CNTNAP2: variants seen among roughly 807,000 people sequenced by gnomAD.
CNTNAP2 encodes the protein contactin-associated protein-like 2.
Under a neutral mutation model 155.2 loss-of-function variants are expected in CNTNAP2, and 98 were observed. The observed-to-expected ratio is 0.63, with a 90% CI of 0.54 to 0.75. The LOEUF (loss-of-function observed/expected upper bound fraction) is 0.75. CNTNAP2 is among the 30% of genes least tolerant of loss of function. The probability of loss-of-function intolerance (pLI) is 0.00; values close to 1 mark genes in which losing one functional copy is unlikely to be tolerated. For synonymous variants in CNTNAP2, 651 were observed against 631.2 expected, an observed-to-expected ratio of 1.03 and a Z score of -0.47; for missense variants, 1,727 against 1,688.1, an observed-to-expected ratio of 1.02 and a Z score of -0.40.
At chr7:147,398,858 T>G (rs1796866537) in intron 10 of CNTNAP2, among the ~76,000 whole-genome samples, 1 of 150,796 alleles carries the variant, frequency 6.6e-6, no homozygotes, top group South Asian at 2.1e-4. Flanking sequence ...GATGACAAAC[T>G]CTAATTAAAA....
chr7:147,892,237 C>T (rs748390188), intron 13 of CNTNAP2, among the ~76,000 whole-genome samples: 4 of 152,144 alleles, frequency 2.6e-5, no homozygotes, highest in African/African-American at 7.2e-5. Context: ...ACGTAAAGAC[C>T]GTCATCACAA....
chr7:147,371,196 A>G (rs1382230727), intron 9 of CNTNAP2, among the ~76,000 whole-genome samples: 2 of 152,276 alleles, frequency 1.3e-5, no homozygotes, highest in Admixed American at 6.5e-5. Flanking sequence ...AAATCAAACA[A>G]TGTAAAATTC....
At chr7:147,522,357 A>G (rs1033789872) in intron 11 of CNTNAP2, among the ~76,000 whole-genome samples, 4 of 152,200 alleles carry the variant, frequency 2.6e-5, no homozygotes, top group Non-Finnish European at 4.4e-5. Flanking sequence ...TATTATCCAA[A>G]CCTTCCACCA....
At chr7:147,488,346 A>G (rs964130109) in intron 11 of CNTNAP2, among the ~76,000 whole-genome samples, 2 of 152,212 alleles carry the variant, frequency 1.3e-5, no homozygotes, top group African/African-American at 4.8e-5. Context: ...TTTGTGGTCA[A>G]TCATTTGACT....
intron 8 of CNTNAP2, among the ~76,000 whole-genome samples, chr7:147,162,850 C>T (rs1802052395): frequency 6.6e-6 from 1 of 152,208 alleles, no homozygotes; most frequent in African/African-American, 2.4e-5. Context: ...TCTCAGCAAT[C>T]ATGTTACACA....
chr7:147,205,579 C>G (rs1459872851), intron 8 of CNTNAP2, among the ~76,000 whole-genome samples: 1 of 114,296 alleles, frequency 8.7e-6, no homozygotes, highest in African/African-American at 2.8e-5. Context: ...TCATTTTTAA[C>G]AAAGTGGATG....
chr7:148,235,315 TGTGCTAG>T (rs1312568143), intron 20 of CNTNAP2, among the ~76,000 whole-genome samples: 2 of 152,224 alleles, frequency 1.3e-5, no homozygotes, highest in African/African-American at 2.4e-5. Flanking sequence ...CAACATGTAG[TGTGCTAG>T]GTGCTAGAAG....
chr7:147,118,447 G>A (rs1801032860), intron 5 of CNTNAP2, among the ~76,000 whole-genome samples: 1 of 152,068 alleles, frequency 6.6e-6, no homozygotes, highest in African/African-American at 2.4e-5. Flanking sequence ...AATTGTATGG[G>A]GAAATATATA....
chr7:147,535,756 C>T (rs1280593282), intron 11 of CNTNAP2, among the ~76,000 whole-genome samples: 5 of 152,034 alleles, frequency 3.3e-5, no homozygotes, highest in South Asian at 2.1e-4. Flanking sequence ...AGGCGAGGAC[C>T]GCGAAGGTCA....
At chr7:146,708,671 A>G (rs1801009503) in intron 1 of CNTNAP2, among the ~76,000 whole-genome samples, 1 of 121,392 alleles carries the variant, frequency 8.2e-6, no homozygotes, top group African/African-American at 3.3e-5. Flanking sequence ...ATCTCATCTC[A>G]CTGCAACCTC....
intron 1 of CNTNAP2, among the ~76,000 whole-genome samples, chr7:146,444,257 T>A (rs1298162300): frequency 1.3e-5 from 2 of 152,092 alleles, no homozygotes; most frequent in Non-Finnish European, 2.9e-5. Flanking sequence ...ACGCCTGACC[T>A]CAAGTGATCC....
intron 15 of CNTNAP2, among the ~76,000 whole-genome samples, chr7:148,102,816 C>G (rs564024338): frequency 6.6e-6 from 1 of 152,128 alleles, no homozygotes; most frequent in African/African-American, 2.4e-5. Context: ...CCCCAAATAT[C>G]CAAGACAGGT....
intron 9 of CNTNAP2, among the ~76,000 whole-genome samples, chr7:147,331,835 A>G (rs6973370): frequency 0.39 from 59,066 of 151,926 alleles, 11,811 homozygotes; most frequent in South Asian, 0.49. Context: ...GAACTAACCA[A>G]TGATCAGTTC....
chr7:146,383,831 C>T (rs1207650564), intron 1 of CNTNAP2, among the ~76,000 whole-genome samples: 1 of 152,030 alleles, frequency 6.6e-6, no homozygotes, highest in African/African-American at 2.4e-5. Context: ...GTGGAGATGC[C>T]TTTTTTGGAA....
At chr7:147,982,338 G>A (rs1234334390) in intron 15 of CNTNAP2, among the ~76,000 whole-genome samples, 1 of 152,200 alleles carries the variant, frequency 6.6e-6, no homozygotes, top group Non-Finnish European at 1.5e-5. Context: ...AGTAAACCTG[G>A]GTAGAAACAA....
At position 147,805,485 on chromosome 7, in the gene CNTNAP2, G is replaced by A. The variant is rs185905731; in HGVS notation, c.2099-98080G>A. Among the ~76,000 whole-genome samples the A allele has an allele frequency of 4.0e-3, 610 of 152,272 alleles. 3 individuals are homozygous for A. Among genetic ancestry groups the A allele is most frequent in the Admixed American group, 8.2e-3 (126 of 15,300 alleles). Reference sequence around the variant, plus strand: ...TGTTGAATAAAAGTGGAGAAAGTGGGCATCCTTGTCTTGTTCCAGATCTTA... The same window carrying A: ...TGTTGAATAAAAGTGGAGAAAGTGGACATCCTTGTCTTGTTCCAGATCTTA... On this transcript the variant is annotated intron_variant, in intron 13 of 23. Coordinates refer to ENST00000361727, the MANE Select transcript of CNTNAP2 (RefSeq NM_014141.6).
chr7:146,871,565 A>T (rs1342963189), intron 3 of CNTNAP2, among the ~76,000 whole-genome samples: 1 of 151,806 alleles, frequency 6.6e-6, no homozygotes. Flanking sequence ...TAAATAAATT[A>T]AAAAATGATA....
chr7:146,967,042 G>A (rs1797672259), intron 3 of CNTNAP2, among the ~76,000 whole-genome samples: 1 of 152,046 alleles, frequency 6.6e-6, no homozygotes, highest in Non-Finnish European at 1.5e-5. Context: ...TGAAAGGAAG[G>A]GGAAAAATCT....
Position 147,509,550 on chromosome 7 carries a change from A to T in CNTNAP2, c.1777+23509A>T, listed in dbSNP as rs1798978609. On this transcript the variant is annotated intron_variant, in intron 11 of 23. Transcript: ENST00000361727. Reference sequence around the variant, plus strand: ...ATTGTGCTTTTTCTTTCTAACCTGTATCAAATGAGAGAGAACCTGATATTA... The same window carrying T: ...ATTGTGCTTTTTCTTTCTAACCTGTTTCAAATGAGAGAGAACCTGATATTA... 2.0e-5 allele frequency among the ~76,000 whole-genome samples: 3 copies of T among 152,082 alleles called. No homozygotes were observed. The South Asian group carries it at 6.2e-4, about 31-fold the overall frequency.
Sources: allele counts gnomAD v4.1 joint callset (sites outside exome capture counted in the v4.1 genomes callset), GRCh38; gene constraint gnomAD v4.1.1; transcripts MANE v1.5; gene names NCBI Gene and HGNC (gene_info 2026-07-23, HGNC 2026-07-21).